Variants in PDE4D observed in about 807,000 individuals in gnomAD.
PDE4D encodes the protein phosphodiesterase 4D.
PDE4D carries 24 observed loss-of-function variants against 87.4 expected under a neutral mutation model. The ratio of observed to expected loss-of-function variants is 0.27; its 90% CI spans 0.20 to 0.39. PDE4D has a LOEUF of 0.39. PDE4D is among the 10% of genes least tolerant of loss of function. PDE4D has a pLI of 1.00. For missense variants in PDE4D, 714 were observed against 1,041.0 expected (o/e 0.69, Z 4.32); for synonymous variants, 384 against 383.2 (o/e 1.00, Z -0.02).
chr5:59,337,792 T>G (rs954118534), intron 1 of PDE4D, among the ~76,000 whole-genome samples: 16 of 152,076 alleles, frequency 1.1e-4, no homozygotes, highest in African/African-American at 3.6e-4. Flanking sequence ...GTCACGTTGT[T>G]TTTGCCTTTG....
At chr5:59,370,696 G>C (rs777967176) in intron 1 of PDE4D, among the ~76,000 whole-genome samples, 1 of 152,094 alleles carries the variant, frequency 6.6e-6, no homozygotes, top group Non-Finnish European at 1.5e-5. Flanking sequence ...TTCTTTCAGA[G>C]GAGAGACATG....
At chr5:59,365,916 T>G (rs1782978940) in intron 1 of PDE4D, among the ~76,000 whole-genome samples, 1 of 152,328 alleles carries the variant, frequency 6.6e-6, no homozygotes, top group Non-Finnish European at 1.5e-5. Flanking sequence ...AGTAGGGCAA[T>G]CAGTCCTGGA....
intron 1 of PDE4D, among the ~76,000 whole-genome samples, chr5:59,528,281 G>T (rs914522161): frequency 1.3e-5 from 2 of 152,208 alleles, no homozygotes; most frequent in African/African-American, 2.4e-5. Context: ...ATGGAAAAGG[G>T]TGTAGTTTGG....
At chr5:59,497,745 A>T (rs769904873) in intron 1 of PDE4D, among the ~76,000 whole-genome samples, 3 of 152,212 alleles carry the variant, frequency 2.0e-5, no homozygotes, top group Non-Finnish European at 4.4e-5. Flanking sequence ...CTTGGAACAC[A>T]TATTTGAGGA....
At chr5:60,133,925 A>C (rs1779808632) in intron 2 of PDE4D, among the ~76,000 whole-genome samples, 1 of 152,138 alleles carries the variant, frequency 6.6e-6, no homozygotes, top group Non-Finnish European at 1.5e-5. Flanking sequence ...GTAACTGAAA[A>C]ATACCATTTT....
chr5:59,099,927 T>C (rs2153432953), intron 5 of PDE4D, among the ~76,000 whole-genome samples: 1 of 152,360 alleles, frequency 6.6e-6, no homozygotes, highest in South Asian at 2.1e-4. Context: ...TTGAGATACA[T>C]TATTAGGCCC....
chr5:59,851,294 G>A (rs1187805439), intron 1 of PDE4D, among the ~76,000 whole-genome samples: 1 of 151,996 alleles, frequency 6.6e-6, no homozygotes, highest in Non-Finnish European at 1.5e-5. Context: ...TCATATGAGT[G>A]CCAAAGCCAT....
intron 5 of PDE4D, among the ~76,000 whole-genome samples, chr5:59,062,224 C>T (rs764511599): frequency 6.6e-6 from 1 of 152,122 alleles, no homozygotes; most frequent in Non-Finnish European, 1.5e-5. Flanking sequence ...TATAACCAAA[C>T]ATATAAGATC....
intron 1 of PDE4D, among the ~76,000 whole-genome samples, chr5:59,418,666 T>TG (rs950174598): frequency 6.6e-6 from 1 of 151,028 alleles, no homozygotes; most frequent in African/African-American, 2.5e-5. Flanking sequence ...TTTGTTTTTT[T>TG]GAGACAGAGT....
chr5:59,827,044 T>C (rs1160153082), intron 1 of PDE4D, among the ~76,000 whole-genome samples: 2 of 152,076 alleles, frequency 1.3e-5, no homozygotes, highest in Admixed American at 6.6e-5. Context: ...TATGATTAAT[T>C]TTCAATCCAG....
chr5:60,040,968 T>C (rs1156818470), intron 2 of PDE4D, among the ~76,000 whole-genome samples: 1 of 152,216 alleles, frequency 6.6e-6, no homozygotes, highest in Non-Finnish European at 1.5e-5. Flanking sequence ...TTTAGCTGAT[T>C]AAAATAAAAG....
rs541392097 is a variant in PDE4D, at chr5:60,008,050, C to CTATAAGATATAAGATATATAAGATA, written c.43-19334_43-19333insTATCTTATATATCTTATATCTTATA. Among the ~76,000 whole-genome samples, 1,012 of 152,068 alleles carry CTATAAGATATAAGATATATAAGATA rather than the reference C, an allele frequency of 6.7e-3. 10 individuals are homozygous for CTATAAGATATAAGATATATAAGATA. Among genetic ancestry groups the CTATAAGATATAAGATATATAAGATA allele is most frequent in the African/African-American group, 0.023 (961 of 41,516 alleles). On this transcript the variant is annotated intron_variant, in intron 2 of 16. Coordinates refer to the PDE4D transcript ENST00000502484. ...GAATAAAATAGCCAGTCTCAAGTCACTATAAGATAGTTATTCTATATGGTT... is the reference window on the plus strand; with the variant it reads ...GAATAAAATAGCCAGTCTCAAGTCACTATAAGATATAAGATATATAAGATATATAAGATAGTTATTCTATATGGTT...
chr5:60,277,310 T>C (rs1177882319), intron 1 of PDE4D, among the ~76,000 whole-genome samples: 1 of 152,018 alleles, frequency 6.6e-6, no homozygotes. Flanking sequence ...AATATATCCA[T>C]ATCAAAAAAG....
At chr5:59,609,213 AC>A (rs1375113641) in intron 1 of PDE4D, among the ~76,000 whole-genome samples, 2 of 152,046 alleles carry the variant, frequency 1.3e-5, no homozygotes, top group Non-Finnish European at 1.5e-5. Flanking sequence ...AAGAAGGTGT[AC>A]TCATCATTGG....
intron 1 of PDE4D, among the ~76,000 whole-genome samples, chr5:59,229,949 C>T (rs1198652435): frequency 6.6e-6 from 1 of 152,096 alleles, no homozygotes; most frequent in Non-Finnish European, 1.5e-5. Flanking sequence ...CAGGCAGGCG[C>T]CACCATGCCT....
chr5:60,089,770 T>A (rs560303298), intron 2 of PDE4D, among the ~76,000 whole-genome samples: 3 of 139,504 alleles, frequency 2.2e-5, no homozygotes, highest in South Asian at 2.2e-4. Flanking sequence ...GAAAAAAAAA[T>A]CAAGAAACTT....
intron 1 of PDE4D, among the ~76,000 whole-genome samples, chr5:59,639,734 T>G (rs1250193014): frequency 2.0e-5 from 3 of 151,976 alleles, no homozygotes; most frequent in Non-Finnish European, 4.4e-5. Context: ...GACCCACACA[T>G]TCCTGACAAA....
intron 1 of PDE4D, among the ~76,000 whole-genome samples, chr5:59,533,117 T>A (rs1814528781): frequency 1.3e-5 from 2 of 152,192 alleles, no homozygotes. Flanking sequence ...TTCATATAAC[T>A]TAAGTTTATA....
At chr5:59,734,103 C>T (rs1396866660) in intron 1 of PDE4D, among the ~76,000 whole-genome samples, 2 of 152,026 alleles carry the variant, frequency 1.3e-5, no homozygotes, top group African/African-American at 2.4e-5. Context: ...AGATACAGGG[C>T]TATAATCCTC....
Sources: gnomAD v4.1 joint callset for allele counts (sites outside exome capture counted in the v4.1 genomes callset) on GRCh38, gnomAD v4.1.1 for gene constraint, MANE v1.5 for transcripts, NCBI Gene and HGNC (gene_info 2026-07-23, HGNC 2026-07-21) for gene names.